Variants in KAZN observed in about 807,000 individuals in gnomAD.
KAZN encodes kazrin.
A neutral mutation model predicts 87.4 loss-of-function variants in KAZN; 40 were observed. The observed-to-expected ratio is 0.46, with a 90% CI of 0.36 to 0.60. The LOEUF is 0.60. KAZN is among the 20% of genes least tolerant of loss of function. KAZN has a pLI of 0.00. For missense variants in KAZN, 898 were observed against 1,073.9 expected (o/e 0.84, Z 2.29); for synonymous variants, 466 against 458.3 (o/e 1.02, Z -0.22).
At chr1:14,472,168 A>G (rs1055179014) in intron 2 of KAZN, among the ~76,000 whole-genome samples, 1 of 152,206 alleles carries the variant, frequency 6.6e-6, no homozygotes, top group African/African-American at 2.4e-5. Flanking sequence ...CTCTGCCCTC[A>G]TCACTTAATC....
chr1:14,869,756 G>A (rs917962371), intron 1 of KAZN, among the ~76,000 whole-genome samples: 4 of 152,168 alleles, frequency 2.6e-5, no homozygotes, highest in Non-Finnish European at 5.9e-5. Context: ...CCTTCGTGTT[G>A]GCAAATTACA....
chr1:14,169,304 C>G (rs1262865388), intron 1 of KAZN, among the ~76,000 whole-genome samples: 9 of 152,112 alleles, frequency 5.9e-5, no homozygotes, highest in African/African-American at 2.2e-4. Flanking sequence ...CTTCTCTCCC[C>G]TCCCCTCCCC....
chr1:14,005,110 C>A (rs1204463529), intron 1 of KAZN, among the ~76,000 whole-genome samples: 1 of 151,956 alleles, frequency 6.6e-6, no homozygotes, highest in East Asian at 1.9e-4. Flanking sequence ...TTATCAGCAA[C>A]AGAAAATGGT....
At chr1:14,420,729 T>G (rs1468717179) in intron 2 of KAZN, among the ~76,000 whole-genome samples, 1 of 152,136 alleles carries the variant, frequency 6.6e-6, no homozygotes, top group Non-Finnish European at 1.5e-5. Context: ...GCGCACCCTT[T>G]GCAGCTGTTG....
intron 2 of KAZN, among the ~76,000 whole-genome samples, chr1:14,389,726 G>GGAGGGGTAGGGAGTGGGGATGGAT (rs1553165670): frequency 2.0e-5 from 3 of 152,292 alleles, no homozygotes; most frequent in African/African-American, 7.2e-5. Flanking sequence ...GAGGAGAGGT[G>GGAGGGGTAGGGAGTGGGGATGGAT]GAGGGGTAGG....
chr1:15,087,142 A>G (rs1292362149), intron 8 of KAZN, among the ~76,000 whole-genome samples: 1 of 152,248 alleles, frequency 6.6e-6, no homozygotes, highest in African/African-American at 2.4e-5. Context: ...GAAAAAAATA[A>G]TCTTCCATCC....
At chr1:14,475,064 A>G (rs1571740186) in intron 2 of KAZN, among the ~76,000 whole-genome samples, 1 of 152,022 alleles carries the variant, frequency 6.6e-6, no homozygotes, top group Admixed American at 6.6e-5. Context: ...GGATGGATGG[A>G]TAGATGAATG....
chr1:14,710,179 G>A (rs1384347111), intron 1 of KAZN, among the ~76,000 whole-genome samples: 2 of 152,086 alleles, frequency 1.3e-5, no homozygotes, highest in Non-Finnish European at 2.9e-5. Flanking sequence ...TGCAGTAAGC[G>A]CCAAACAGAA....
At chr1:14,855,725 A>G (rs1280946652) in intron 1 of KAZN, among the ~76,000 whole-genome samples, 2 of 152,314 alleles carry the variant, frequency 1.3e-5, no homozygotes, top group Non-Finnish European at 2.9e-5. Flanking sequence ...CCCAGTGAAA[A>G]TCCCATTTTA....
At chr1:14,576,778 T>C (rs754237414) in intron 2 of KAZN, among the ~76,000 whole-genome samples, 3 of 151,876 alleles carry the variant, frequency 2.0e-5, no homozygotes, top group South Asian at 4.2e-4. Flanking sequence ...TTCTAAATAG[T>C]AGCTGGTACG....
chr1:14,499,019 C>A (rs147580334), intron 2 of KAZN, among the ~76,000 whole-genome samples: 5 of 152,246 alleles, frequency 3.3e-5, no homozygotes, highest in Non-Finnish European at 7.3e-5. Flanking sequence ...AAACCCTCCT[C>A]AATTAACCTT....
chr1:14,071,674 C>T (rs1480477655), intron 1 of KAZN, among the ~76,000 whole-genome samples: 1 of 152,160 alleles, frequency 6.6e-6, no homozygotes, highest in African/African-American at 2.4e-5. Context: ...CGCTAGCGGG[C>T]ACCTCCTGCA....
At chr1:14,766,247 C>A (rs1192034671) in intron 1 of KAZN, among the ~76,000 whole-genome samples, 1 of 152,080 alleles carries the variant, frequency 6.6e-6, no homozygotes, top group African/African-American at 2.4e-5. Flanking sequence ...TCTTCACCTG[C>A]CAACTCCCTA....
chr1:14,401,395 T>C (rs952639531), intron 2 of KAZN, among the ~76,000 whole-genome samples: 2 of 151,380 alleles, frequency 1.3e-5, no homozygotes, highest in South Asian at 2.1e-4. Context: ...CAGGTCAATC[T>C]CGTATGTTGA....
rs1420764123 is a variant in KAZN at position 14,184,492 on chromosome 1, T to G, written c.249+3900T>G. On this transcript the variant is annotated intron_variant, in intron 2 of 16. Transcript: ENST00000636203. This position sits in a 1 kb window ranked among gnomAD's most constrained non-coding sequence, Gnocchi z 4.2. ...AAGCACATTTGCCAAAAGCCTATAT[T>G]CCCCCTTGCCAAGCAAGAGCGGAAG... 6.6e-6 allele frequency among the ~76,000 whole-genome samples: 1 copy of G among 152,066 alleles called. No homozygotes were observed. Among genetic ancestry groups the G allele is most frequent in the Non-Finnish European group, 1.5e-5 (1 of 68,020 alleles).
intron 1 of KAZN, among the ~76,000 whole-genome samples, chr1:14,174,467 G>A (rs1214018550): frequency 6.6e-6 from 1 of 152,190 alleles, no homozygotes; most frequent in East Asian, 1.9e-4. Flanking sequence ...AGGCTAACAG[G>A]TGTTGGGAGC....
At chr1:14,700,697 G>A (rs1422938904) in intron 1 of KAZN, among the ~76,000 whole-genome samples, 1 of 152,018 alleles carries the variant, frequency 6.6e-6, no homozygotes, top group African/African-American at 2.4e-5. Context: ...GTCTAAAAAG[G>A]CAATGGTGTG....
At chr1:14,677,978 C>T (rs1015274951) in intron 1 of KAZN, among the ~76,000 whole-genome samples, 4 of 152,194 alleles carry the variant, frequency 2.6e-5, no homozygotes, top group African/African-American at 9.7e-5. Flanking sequence ...AGCTGCTCCT[C>T]ATGCCCTACG....
rs902495930 is a variant in KAZN, at chr1:15,101,482, G to T, written c.1548-61G>T. 6.9e-6 allele frequency: 8 copies of T among 1,154,432 alleles called. No individual in the cohort carries two copies. The East Asian group carries it at 2.1e-4, about 30-fold the overall frequency. 71.5% of individuals were successfully genotyped at this position (1,154,432 alleles called of 1,614,324 possible). A position where few individuals can be genotyped will look rare whatever the true frequency, so the allele number is the denominator to read the frequency against. On this transcript the variant is annotated intron_variant, in intron 10 of 14. Transcript: ENST00000376030. ...TCTGCATCTCCACCCATTTCTGCCCGTCCGTCTGTTTCTGCCGCCTTTCCC... is the reference window on the plus strand; with the variant it reads ...TCTGCATCTCCACCCATTTCTGCCCTTCCGTCTGTTTCTGCCGCCTTTCCC...
Sources: allele counts gnomAD v4.1 joint callset (sites outside exome capture counted in the v4.1 genomes callset), GRCh38; gene constraint gnomAD v4.1.1; non-coding constraint Gnocchi (gnomAD v3.1); transcripts MANE v1.5; gene names NCBI Gene and HGNC (gene_info 2026-07-23, HGNC 2026-07-21).